The following ALDH1A1 variants were observed in gnomAD, a reference collection of about 807,000 sequenced individuals.
The protein encoded by ALDH1A1 is aldehyde dehydrogenase 1A1.
ALDH1A1 carries 19 observed loss-of-function variants against 62.1 expected under a neutral mutation model. That is an observed-to-expected ratio of 0.31 (90% CI 0.21 to 0.45). The LOEUF (loss-of-function observed/expected upper bound fraction) is 0.45. Ranked by LOEUF, ALDH1A1 falls within the 20% of genes least tolerant of loss-of-function variation. The pLI is 1.00. For missense variants in ALDH1A1, 521 were observed against 607.1 expected (o/e 0.86, Z 1.49); for synonymous variants, 231 against 215.9 (o/e 1.07, Z -0.61).
At position 72,901,291 on chromosome 9, in the gene ALDH1A1, G is replaced by GA. The variant is rs1415428890; in HGVS notation, c.1434-12dup. On this transcript the variant is annotated splice_polypyrimidine_tract_variant and intron_variant, in intron 12 of 12. Transcript: ENST00000297785. ...AAACCGTACTCTCCCCTAGAGAGAA[G>GA]AAAAACATACCCACAAACACCATTT... 1.3e-6 allele frequency: 2 copies of GA among 1,588,210 alleles called. No homozygotes were observed. Among genetic ancestry groups the GA allele is most frequent in the South Asian group, 2.2e-5 (2 of 90,306 alleles).
At chr9:72,927,377 C>T (rs1422092610) in intron 4 of ALDH1A1, among the ~76,000 whole-genome samples, 200 bp from the exon 5 acceptor site, 1 of 152,140 alleles carries the variant, frequency 6.6e-6, no homozygotes, top group Non-Finnish European at 1.5e-5. Context: ...TCGAGACCAT[C>T]TATATCTCCA....
chr9:72,948,684 T>G (rs1397649292), intron 1 of ALDH1A1, among the ~76,000 whole-genome samples: 1 of 151,894 alleles, frequency 6.6e-6, no homozygotes, highest in Non-Finnish European at 1.5e-5. Context: ...TTATCCTAAT[T>G]TCTGATTAAA....
rs926157051 is a variant in ALDH1A1, at chr9:72,911,991, A to G, written c.1167T>C (p.Asn389=). 3 of 1,614,032 alleles carry G rather than the reference A, an allele frequency of 1.9e-6. No homozygotes were observed. The Admixed American group carries it at 5.0e-5, about 27-fold the overall frequency. The change falls in exon 10 of 13, where the codon AAT becomes AAC. Residue 389 remains asparagine, a synonymous_variant. Coordinates refer to ENST00000297785, the MANE Select transcript of ALDH1A1 (RefSeq NM_000689.5). ...TGGCAATGCGCATCTCATCTGTAAC[A>G]TTAGAGAACACTGTGGGCTGGACAA... ...GYFVQPTVFS[N]VTDEMRIAKE...
chr9:72,930,174 C>T (rs943998505), intron 3 of ALDH1A1, among the ~76,000 whole-genome samples: 1 of 152,114 alleles, frequency 6.6e-6, no homozygotes, highest in Non-Finnish European at 1.5e-5. Flanking sequence ...CATCATAATG[C>T]CCAATTGAGA....
chr9:72,906,075 T>TG (rs1309347045), intron 11 of ALDH1A1, 43 bp from the exon 12 acceptor site: 2 of 1,492,238 alleles, frequency 1.3e-6, no homozygotes, highest in African/African-American at 2.9e-5. Flanking sequence ...ACTTAAGGTG[T>TG]GAAAAAAAAA....
intron 7 of ALDH1A1, among the ~76,000 whole-genome samples, chr9:72,919,261 C>T (rs1266080068): frequency 1.3e-5 from 2 of 152,178 alleles, no homozygotes; most frequent in African/African-American, 4.8e-5. Flanking sequence ...TCAGACTTAT[C>T]ATGACCCAGT....
intron 2 of ALDH1A1, among the ~76,000 whole-genome samples, chr9:72,937,705 G>C (rs190227): frequency 0.96 from 145,568 of 152,238 alleles, 69,849 homozygotes; most frequent in Non-Finnish European, 0.99. Flanking sequence ...GAAGTTGAAA[G>C]TCTTAAGTTA....
intron 7 of ALDH1A1, among the ~76,000 whole-genome samples, chr9:72,920,776 G>A (rs927043036): frequency 1.6e-4 from 24 of 152,144 alleles, no homozygotes; most frequent in South Asian, 6.2e-4. Flanking sequence ...AAAAGTAAAC[G>A]TTTATCATTT....
At position 72,917,049 on chromosome 9, in the gene ALDH1A1, A is replaced by G; in HGVS notation, c.906T>C (p.Cys302=). The change falls in exon 9 of 13, where the codon TGT becomes TGC. Residue 302 remains cysteine (C), a synonymous_variant. Coordinates refer to ENST00000297785, the MANE Select transcript of ALDH1A1 (RefSeq NM_000689.5). ...HHGVFYHQGQ[C]CIAASRIFVE... ...CAAAAATCCTGGATGCGGCTATACA[A>G]CACTGGCCCTGGTGGTAGAATACCC... 1 of 1,613,112 alleles carries G rather than the reference A, an allele frequency of 6.2e-7. No homozygotes were observed. Among genetic ancestry groups the G allele is most frequent in the Non-Finnish European group, 8.5e-7 (1 of 1,179,466 alleles).
intron 2 of ALDH1A1, among the ~76,000 whole-genome samples, chr9:72,933,599 A>C (rs796199390): frequency 0.091 from 10,055 of 110,548 alleles, 1,060 homozygotes; most frequent in East Asian, 0.5. Context: ...AAACAAAAAA[A>C]AAAAAAAAAA....
intron 1 of ALDH1A1, among the ~76,000 whole-genome samples, chr9:72,947,878 A>G (rs1830492893): frequency 6.6e-6 from 1 of 151,940 alleles, no homozygotes; most frequent in African/African-American, 2.4e-5. Flanking sequence ...AATGAGAGAA[A>G]TATATGAAAT....
Position 72,928,794 on chromosome 9 carries a change from G to T in ALDH1A1, c.442+98C>A, listed in dbSNP as rs1034218696. ...AGAGGAAAATAATTTTGCCTTATTT[G>T]GTTGACATCTTTAAAAGGGAGAGTT... On this transcript the variant is annotated intron_variant, in intron 4 of 12. Coordinates refer to ENST00000297785, the MANE Select transcript of ALDH1A1 (RefSeq NM_000689.5). 7.6e-6 allele frequency: 10 copies of T among 1,318,584 alleles called. No individual in the cohort carries two copies. In the African/African-American group the frequency reaches 1.3e-4, roughly 18 times the overall value. The allele number at this position is 1,318,584 out of a possible 1,614,324, so 81.7% of individuals were successfully genotyped here. A position where few individuals can be genotyped will look rare whatever the true frequency, so the allele number is the denominator to read the frequency against.
intron 1 of ALDH1A1, among the ~76,000 whole-genome samples, chr9:72,946,085 T>C (rs528053870): frequency 4.9e-4 from 75 of 152,086 alleles, no homozygotes; most frequent in African/African-American, 1.7e-3. Context: ...CTAGAGATGA[T>C]AACAAAACTT....
In ALDH1A1 at chr9:72,930,984, C is replaced by A. The variant is rs769693079; in HGVS notation, c.207G>T (p.Gln69His). ...GCCACGGGGATCCAATCTGAAAAGC[C>A]TGTCTTGCGGCCTTCACTGCCTTGT... is the stretch of plus-strand genomic sequence containing the variant. ...DVDKAVKAARQAFQIGSPWRT... is the reference protein window; with the variant it reads ...DVDKAVKAARHAFQIGSPWRT... The change falls in exon 3 of 13, where the codon CAG becomes CAT. Residue 69 changes from glutamine to histidine, a missense_variant. Physicochemically the swap from Gln to His is conservative, Grantham distance 24. Transcript: ENST00000297785. The A allele has an allele frequency of 6.2e-7, 1 of 1,613,902 alleles. No individual in the cohort carries two copies.
At chr9:72,937,283 A>C (rs560039541) in intron 2 of ALDH1A1, among the ~76,000 whole-genome samples, 1 of 152,332 alleles carries the variant, frequency 6.6e-6, no homozygotes, top group East Asian at 1.9e-4. Context: ...TGAGAGATGC[A>C]GTGTTGATCT....
At chr9:72,942,084 A>G (rs771056997) in intron 1 of ALDH1A1, among the ~76,000 whole-genome samples, 6 of 152,182 alleles carry the variant, frequency 3.9e-5, no homozygotes, top group Non-Finnish European at 7.4e-5. Context: ...TCTTTTGGGA[A>G]AAAACACTAG....
At chr9:72,936,913 C>T (rs1830353209) in intron 2 of ALDH1A1, among the ~76,000 whole-genome samples, 1 of 152,118 alleles carries the variant, frequency 6.6e-6, no homozygotes. Flanking sequence ...ACCTCCTTCC[C>T]AACCAACAAC....
At chr9:72,941,527 C>T (rs890340398) in intron 1 of ALDH1A1, among the ~76,000 whole-genome samples, 4 of 152,078 alleles carry the variant, frequency 2.6e-5, no homozygotes, top group Admixed American at 1.3e-4. Context: ...TTTAAATAGT[C>T]ATTTTTAAGT....
chr9:72,912,184 T>G, intron 9 of ALDH1A1, 62 bp from the exon 10 acceptor site: 1 of 1,450,714 alleles, frequency 6.9e-7, no homozygotes, highest in Non-Finnish European at 9.5e-7. Flanking sequence ...AACACATTGC[T>G]GGGCCTGTTA....
Sources: allele counts gnomAD v4.1 joint callset (sites outside exome capture counted in the v4.1 genomes callset), GRCh38; gene constraint gnomAD v4.1.1; transcripts MANE v1.5; gene names NCBI Gene and HGNC (gene_info 2026-07-23, HGNC 2026-07-21).